Variants in TMEM132B observed in about 807,000 individuals in gnomAD.
TMEM132B encodes the protein transmembrane protein 132B.
Under a neutral mutation model 90.8 loss-of-function variants are expected in TMEM132B, and 18 were observed. That is an observed-to-expected ratio of 0.20 (90% confidence interval 0.14 to 0.29). TMEM132B has a LOEUF of 0.29. TMEM132B is among the 10% of genes least tolerant of loss of function. The pLI is 1.00. For synonymous variants in TMEM132B, 504 were observed against 523.3 expected (o/e 0.96, Z 0.50); for missense variants, 1,096 against 1,326.8 (o/e 0.83, Z 2.70).
Position 125,434,212 on chromosome 12 carries a change from G to A in TMEM132B, c.1106+18535G>A, listed in dbSNP as rs560006706. Among the ~76,000 whole-genome samples, 15 of 152,220 alleles carry A rather than the reference G, an allele frequency of 9.9e-5. No individual in the cohort carries two copies. The East Asian group carries it at 1.7e-3, about 18-fold the overall frequency. On this transcript the variant is annotated intron_variant, in intron 3 of 8. Coordinates refer to ENST00000682704, the MANE Select transcript of TMEM132B (RefSeq NM_001366854.1). ...CTCTGACCTCTGCAGCCACGGTCAC[G>A]TCTCATTCTCCGACCCTGACGCTCC...
At chr12:125,453,467 T>G (rs1189845272) in intron 3 of TMEM132B, among the ~76,000 whole-genome samples, 1 of 152,216 alleles carries the variant, frequency 6.6e-6, no homozygotes, top group Non-Finnish European at 1.5e-5. Flanking sequence ...AATTATTAAA[T>G]TCTCTTCTAG....
intron 1 of TMEM132B, among the ~76,000 whole-genome samples, chr12:125,267,937 C>G (rs529651619): frequency 6.6e-6 from 1 of 152,186 alleles, no homozygotes; most frequent in East Asian, 1.9e-4. Flanking sequence ...GGTTGGTGCT[C>G]TCTACTCTAA....
intron 1 of TMEM132B, among the ~76,000 whole-genome samples, chr12:125,333,319 A>T (rs1037422490): frequency 4.7e-5 from 7 of 150,174 alleles, no homozygotes; most frequent in Non-Finnish European, 1.0e-4. Flanking sequence ...GAAAACCTTA[A>T]CTTAATTGCA....
rs755066997 is a variant in TMEM132B at position 125,256,339 on chromosome 12, G to A, written c.67+69473G>A. 4.3e-4 allele frequency among the ~76,000 whole-genome samples: 65 copies of A among 152,352 alleles called. 1 individual carries two copies. Among genetic ancestry groups the A allele is most frequent in the Middle Eastern group, 6.8e-3 (2 of 294 alleles). On this transcript the variant is annotated intron_variant, in intron 1 of 8. Transcript: ENST00000682704. ...GAACATCAGCTGTGCTGCGAGGAAG[G>A]TCAGTCATGGAGGGGTGGTCAGGGG...
At chr12:125,582,459 A>G (rs146785313) in intron 4 of TMEM132B, among the ~76,000 whole-genome samples, 60 of 152,270 alleles carry the variant, frequency 3.9e-4, no homozygotes, top group African/African-American at 1.3e-3. Flanking sequence ...GATCTCACTG[A>G]TACAGTCTGG....
chr12:125,635,916 C>G (rs1273864206), intron 5 of TMEM132B, among the ~76,000 whole-genome samples: 1 of 152,120 alleles, frequency 6.6e-6, no homozygotes, highest in Non-Finnish European at 1.5e-5. Flanking sequence ...TATGGTTTCT[C>G]TTTCTGCTAT....
In TMEM132B at chr12:125,642,736, A is replaced by T. The variant is rs115404581; in HGVS notation, c.1438-1340A>T. ...CCAATGAGCAGCCTATGTTAATTATACTTAAGGATTCCTAAAGACGTCATT... is the reference window on the plus strand; with the variant it reads ...CCAATGAGCAGCCTATGTTAATTATTCTTAAGGATTCCTAAAGACGTCATT... On this transcript the variant is annotated intron_variant, in intron 5 of 8. Transcript: ENST00000682704. Among the ~76,000 whole-genome samples, 436 of 152,312 alleles carry T rather than the reference A, an allele frequency of 2.9e-3. 5 individuals are homozygous for T. Among genetic ancestry groups the T allele is most frequent in the African/African-American group, 0.01 (423 of 41,566 alleles).
intron 1 of TMEM132B, among the ~76,000 whole-genome samples, chr12:125,306,507 G>T (rs1875973664): frequency 6.6e-6 from 1 of 152,088 alleles, no homozygotes; most frequent in African/African-American, 2.4e-5. Context: ...CTTCCCTACT[G>T]CTGATGGCAA....
chr12:125,213,252 A>G lies in TMEM132B; in HGVS notation c.67+26386A>G, dbSNP rs957211167. On this transcript the variant is annotated intron_variant, in intron 1 of 8. Coordinates refer to ENST00000682704, the MANE Select transcript of TMEM132B (RefSeq NM_001366854.1). This position sits in a 1 kb window ranked among gnomAD's most constrained non-coding sequence, Gnocchi z 4.2. ...CCACGTTGTAGCCTGTGTCAGTGCT[A>G]TGCTCCTTTTTATGGTTGAATCATC... 6.6e-6 allele frequency among the ~76,000 whole-genome samples: 1 copy of G among 152,166 alleles called. No homozygotes were observed. Among genetic ancestry groups the G allele is most frequent in the African/African-American group, 2.4e-5 (1 of 41,442 alleles).
Position 125,657,627 on chromosome 12 carries a change from A to G in TMEM132B, c.*2917A>G, listed in dbSNP as rs1017652489. 6.6e-6 allele frequency: 1 copy of G among 152,126 alleles called. No individual in the cohort carries two copies. The highest frequency in any genetic ancestry group is 1.5e-5 in the Non-Finnish European group (1 of 68,032). The allele number at this position is 152,126 out of a possible 1,614,324, so 9.4% of individuals were successfully genotyped here. Reference sequence around the variant, plus strand: ...ATAAACTATTAAGCCATGAAATCTAATTTTCTGGGGACCATGCATTTGCCT... The same window carrying G: ...ATAAACTATTAAGCCATGAAATCTAGTTTTCTGGGGACCATGCATTTGCCT... On this transcript the variant is annotated 3_prime_UTR_variant, in exon 9 of 9. Transcript: ENST00000682704.
intron 1 of TMEM132B, among the ~76,000 whole-genome samples, chr12:125,283,128 G>A (rs1410674722): frequency 1.3e-5 from 2 of 152,140 alleles, no homozygotes; most frequent in Non-Finnish European, 2.9e-5. Context: ...GCTTTAACAT[G>A]AGCCCCCTTT....
chr12:125,263,381 C>A (rs2136111929), intron 1 of TMEM132B, among the ~76,000 whole-genome samples: 1 of 152,314 alleles, frequency 6.6e-6, no homozygotes, highest in South Asian at 2.1e-4. Flanking sequence ...TCAGTTTCCT[C>A]ACTTGTCGAC....
intron 5 of TMEM132B, among the ~76,000 whole-genome samples, chr12:125,636,243 G>A (rs982945100): frequency 2.6e-5 from 4 of 152,160 alleles, no homozygotes; most frequent in Admixed American, 6.5e-5. Flanking sequence ...CCTCTTCCCC[G>A]GGTTTGATTG....
intron 1 of TMEM132B, among the ~76,000 whole-genome samples, chr12:125,220,823 G>A (rs763340380): frequency 1.4e-4 from 21 of 152,278 alleles, no homozygotes; most frequent in Middle Eastern, 3.4e-3. Flanking sequence ...ACCCTTCCAC[G>A]GCTCCCAGCT....
chr12:125,645,140 C>A (rs1942027539), intron 6 of TMEM132B, among the ~76,000 whole-genome samples: 1 of 149,968 alleles, frequency 6.7e-6, no homozygotes, highest in Non-Finnish European at 1.5e-5. Context: ...ATGGCCTGAA[C>A]CCGGGAGGCG....
At chr12:125,563,573 A>ACAAACAAG (rs1172477893) in intron 4 of TMEM132B, among the ~76,000 whole-genome samples, 6 of 148,458 alleles carry the variant, frequency 4.0e-5, no homozygotes, top group African/African-American at 1.5e-4. Context: ...TCAAAAACAA[A>ACAAACAAG]CAAACAAACA....
At chr12:125,215,400 A>G (rs190352182) in intron 1 of TMEM132B, among the ~76,000 whole-genome samples, 1 of 152,100 alleles carries the variant, frequency 6.6e-6, no homozygotes, top group Non-Finnish European at 1.5e-5. Context: ...TCTTGCTTTT[A>G]CTACCTTCTA....
chr12:125,289,163 G>T (rs1346738786), intron 1 of TMEM132B, among the ~76,000 whole-genome samples: 1 of 152,148 alleles, frequency 6.6e-6, no homozygotes, highest in Admixed American at 6.5e-5. Context: ...CCCCTTCCTG[G>T]CTGAGGTGGG....
chr12:125,480,268 C>T (rs1285305889), intron 3 of TMEM132B, among the ~76,000 whole-genome samples: 1 of 152,030 alleles, frequency 6.6e-6, no homozygotes, highest in Non-Finnish European at 1.5e-5. Flanking sequence ...CAGAGCAGAA[C>T]TGAAGGAGAT....
Sources: allele counts gnomAD v4.1 joint callset (sites outside exome capture counted in the v4.1 genomes callset), GRCh38; gene constraint gnomAD v4.1.1; non-coding constraint Gnocchi (gnomAD v3.1); transcripts MANE v1.5; gene names NCBI Gene and HGNC (gene_info 2026-07-23, HGNC 2026-07-21).